Variants in CD86 observed in about 807,000 individuals in gnomAD.
CD86 encodes T-lymphocyte activation antigen CD86.
In CD86, 11 loss-of-function variants were observed where a neutral mutation model predicts 32.1. The observed-to-expected ratio is 0.34, with a 90% CI of 0.22 to 0.57. The LOEUF (loss-of-function observed/expected upper bound fraction) is 0.57, where lower values mean the gene tolerates loss of function less well. CD86 is among the 20% of genes least tolerant of loss of function. The pLI, the probability that CD86 is intolerant of heterozygous loss-of-function variation, is 0.86. For missense variants in CD86, 359 were observed against 398.4 expected (o/e 0.90, Z 0.84); for synonymous variants, 137 against 135.3 (o/e 1.01, Z -0.09).
intron 1 of CD86, among the ~76,000 whole-genome samples, chr3:122,061,728 A>G (rs1192916966): frequency 6.6e-6 from 1 of 152,250 alleles, no homozygotes; most frequent in Non-Finnish European, 1.5e-5. Context: ...TGGATCATGC[A>G]TACATTGCTT....
Position 122,073,467 on chromosome 3 carries a change from C to T in CD86, c.14+17964C>T, listed in dbSNP as rs551868858. Among the ~76,000 whole-genome samples, 9 of 152,160 alleles carry T rather than the reference C, an allele frequency of 5.9e-5. No individual in the cohort carries two copies. In the South Asian group the frequency reaches 6.2e-4, roughly 11 times the overall value. ...CAAATATTTTTTCCCCAATCTTTGG[C>T]GTGTCTTTTTATTCATATAATGGTT... is the stretch of plus-strand genomic sequence containing the variant. On this transcript the variant is annotated intron_variant, in intron 1 of 6. Coordinates refer to ENST00000330540, the MANE Select transcript of CD86 (RefSeq NM_175862.5).
At chr3:122,103,419 A>G in intron 2 of CD86, 93 bp from the exon 3 acceptor site, 3 of 772,192 alleles carry the variant, frequency 3.9e-6, no homozygotes, top group Non-Finnish European at 6.4e-6. Flanking sequence ...GATTACTGAT[A>G]AGATAGTATC....
intron 1 of CD86, among the ~76,000 whole-genome samples, chr3:122,057,903 T>C (rs1011049178): frequency 3.3e-5 from 5 of 152,238 alleles, no homozygotes; most frequent in Non-Finnish European, 5.9e-5. Context: ...GGGAGGACAG[T>C]GCAGTGGCTA....
chr3:122,064,382 T>C (rs1404947332), intron 1 of CD86, among the ~76,000 whole-genome samples: 1 of 152,208 alleles, frequency 6.6e-6, no homozygotes, highest in Non-Finnish European at 1.5e-5. Flanking sequence ...ATTACATTGC[T>C]CTGCTGAGCA....
chr3:122,070,495 A>G (rs1203315916), intron 1 of CD86, among the ~76,000 whole-genome samples: 1 of 152,204 alleles, frequency 6.6e-6, no homozygotes, highest in African/African-American at 2.4e-5. Context: ...ACAAAGAAAA[A>G]TACTCAACTT....
At chr3:122,097,783 T>C (rs921242338) in intron 2 of CD86, among the ~76,000 whole-genome samples, 1 of 152,016 alleles carries the variant, frequency 6.6e-6, no homozygotes, top group Non-Finnish European at 1.5e-5. Flanking sequence ...TGGAAAACAG[T>C]GTCTTCAAGG....
rs75625085 is a variant in CD86, at chr3:122,090,910, A to G, written c.15-691A>G. Among the ~76,000 whole-genome samples the G allele has an allele frequency of 5.4e-3, 817 of 152,298 alleles. 2 individuals carry two copies. The highest frequency in any genetic ancestry group is 0.02 in the Middle Eastern group (6 of 294). ...CTTATGTTGTTAAACATAAAAATTC[A>G]TGGGTTTCATCCCAACTTACTAAGC... is the stretch of plus-strand genomic sequence containing the variant. On this transcript the variant is annotated intron_variant, in intron 1 of 6. Coordinates refer to ENST00000330540, the MANE Select transcript of CD86 (RefSeq NM_175862.5).
intron 1 of CD86, among the ~76,000 whole-genome samples, chr3:122,066,169 G>A (rs1283336968): frequency 6.6e-6 from 1 of 152,140 alleles, no homozygotes; most frequent in Non-Finnish European, 1.5e-5. Context: ...ATTCAGTTTT[G>A]GGGGCCTTAA....
chr3:122,074,448 T>C (rs1471157509), intron 1 of CD86, among the ~76,000 whole-genome samples: 1 of 152,212 alleles, frequency 6.6e-6, no homozygotes, highest in African/African-American at 2.4e-5. Context: ...CAAACACTAA[T>C]TAACGTTTCA....
At chr3:122,072,298 T>C (rs1162441348) in intron 1 of CD86, among the ~76,000 whole-genome samples, 1 of 150,248 alleles carries the variant, frequency 6.7e-6, no homozygotes, top group African/African-American at 2.5e-5. Context: ...CCCTGAGGAA[T>C]CGCCACACTG....
chr3:122,119,017 A>T (rs749809972), intron 6 of CD86, among the ~76,000 whole-genome samples: 11 of 152,198 alleles, frequency 7.2e-5, no homozygotes, highest in Non-Finnish European at 1.6e-4. Context: ...CATAACCCCC[A>T]GGGTGCAGAG....
intron 1 of CD86, among the ~76,000 whole-genome samples, chr3:122,056,554 G>A (rs1334299661): frequency 6.6e-6 from 1 of 152,058 alleles, no homozygotes; most frequent in Admixed American, 6.5e-5. Flanking sequence ...GGATGGTCTC[G>A]ATCTCTTGAC....
At chr3:122,101,876 G>T (rs139449536) in intron 2 of CD86, among the ~76,000 whole-genome samples, 2 of 151,890 alleles carry the variant, frequency 1.3e-5, no homozygotes, top group Non-Finnish European at 2.9e-5. Flanking sequence ...TCACTGTCAG[G>T]GTACGCATAT....
intron 1 of CD86, among the ~76,000 whole-genome samples, chr3:122,059,899 C>T (rs532918027): frequency 4.1e-4 from 63 of 152,214 alleles, no homozygotes; most frequent in African/African-American, 1.4e-3. Context: ...GCGAAGACGG[C>T]CATCCACATA....
At chr3:122,106,151 A>G (rs1404154821) in intron 3 of CD86, 47 bp from the exon 4 acceptor site, 1 of 1,406,364 alleles carries the variant, frequency 7.1e-7, no homozygotes, top group Admixed American at 2.1e-5. Context: ...CCTCCTAGAT[A>G]CATCTAAACT....
At chr3:122,076,501 A>G (rs1198017960) in intron 1 of CD86, among the ~76,000 whole-genome samples, 3 of 152,226 alleles carry the variant, frequency 2.0e-5, no homozygotes, top group South Asian at 2.1e-4. Flanking sequence ...GGTGGGATCT[A>G]TCTGTATGAA....
At chr3:122,092,962 G>T (rs1015527356) in intron 2 of CD86, among the ~76,000 whole-genome samples, 1 of 152,162 alleles carries the variant, frequency 6.6e-6, no homozygotes, top group African/African-American at 2.4e-5. Context: ...GTCCTTGAGT[G>T]CAAGGTCTGT....
At chr3:122,097,850 T>C (rs2072933063) in intron 2 of CD86, among the ~76,000 whole-genome samples, 1 of 152,186 alleles carries the variant, frequency 6.6e-6, no homozygotes. Context: ...GTCTTCTCTA[T>C]GATGAGGAGG....
Position 122,109,344 on chromosome 3 carries a change from G to C in CD86, c.783G>C (p.Met261Ile), listed in dbSNP as rs369147594. 4 of 1,613,922 alleles carry C rather than the reference G, an allele frequency of 2.5e-6. No homozygotes were observed. The highest frequency in any genetic ancestry group is 3.4e-6 in the Non-Finnish European group (4 of 1,179,956). Residue 261 changes from methionine to isoleucine, a missense_variant, in exon 5 of 7, where the codon ATG becomes ATC. Met to Ile is a conservative substitution (Grantham distance 10). Coordinates refer to ENST00000330540, the MANE Select transcript of CD86 (RefSeq NM_175862.5). ...AVLPTVIICV[M>I]VFCLILWKWK... ...TTCCAACAGTTATTATATGTGTGAT[G>C]GTTTTCTGTCTAATTCTATGGAAAT...
Sources: gnomAD v4.1 joint callset for allele counts (sites outside exome capture counted in the v4.1 genomes callset) on GRCh38, gnomAD v4.1.1 for gene constraint, MANE v1.5 for transcripts, NCBI Gene and HGNC (gene_info 2026-07-23, HGNC 2026-07-21) for gene names.